The following FHIT variants were observed in gnomAD, a reference collection of about 807,000 sequenced individuals.
The protein encoded by FHIT is bis(5'-adenosyl)-triphosphatase.
In FHIT, 19 loss-of-function variants were observed where a neutral mutation model predicts 17.9. That is an observed-to-expected ratio of 1.06 (90% confidence interval 0.74 to 1.56). The LOEUF is 1.56. FHIT is among the 40% of genes most tolerant of loss of function. The pLI is 0.00. For missense variants in FHIT, 248 were observed against 189.2 expected (o/e 1.31, Z -1.82); for synonymous variants, 81 against 69.7 (o/e 1.16, Z -0.81).
intron 4 of FHIT, among the ~76,000 whole-genome samples, chr3:60,682,611 C>A (rs79938991): frequency 0.018 from 2,707 of 152,230 alleles, 63 homozygotes; most frequent in Admixed American, 0.073. Flanking sequence ...AAAAAGATTC[C>A]TTTCAAAATA....
At chr3:60,769,620 G>GGTAAAGTGAC (rs1327565979) in intron 4 of FHIT, among the ~76,000 whole-genome samples, 3 of 152,146 alleles carry the variant, frequency 2.0e-5, no homozygotes, top group Admixed American at 6.5e-5. Context: ...AGACAAAAAA[G>GGTAAAGTGAC]GTAAAGTGAC....
intron 5 of FHIT, among the ~76,000 whole-genome samples, chr3:60,291,858 G>A (rs1005378842): frequency 2.0e-5 from 3 of 152,058 alleles, no homozygotes; most frequent in East Asian, 1.9e-4. Context: ...CCACAGCCTA[G>A]GAATATCAGG....
At chr3:60,817,603 C>G (rs1285969273) in intron 4 of FHIT, among the ~76,000 whole-genome samples, 1 of 151,776 alleles carries the variant, frequency 6.6e-6, no homozygotes, top group African/African-American at 2.4e-5. Flanking sequence ...GAGACGTCAT[C>G]GTTCATTTAA....
chr3:60,458,072 C>G (rs1413231163), intron 5 of FHIT, among the ~76,000 whole-genome samples: 1 of 152,150 alleles, frequency 6.6e-6, no homozygotes, highest in Non-Finnish European at 1.5e-5. Context: ...ACCCAGCCAT[C>G]CCATTACTGG....
At chr3:60,946,133 G>A (rs1233820063) in intron 3 of FHIT, among the ~76,000 whole-genome samples, 1 of 152,180 alleles carries the variant, frequency 6.6e-6, no homozygotes, top group East Asian at 1.9e-4. Context: ...ACAGGAGGAT[G>A]ACGGATTGTA....
chr3:61,017,861 G>GA (rs1025988297), intron 3 of FHIT, among the ~76,000 whole-genome samples: 44 of 152,008 alleles, frequency 2.9e-4, no homozygotes, highest in African/African-American at 1.0e-3. Context: ...TGGCTAAAGA[G>GA]AAAAAATTTC....
intron 4 of FHIT, among the ~76,000 whole-genome samples, chr3:60,712,638 TA>T (rs1354858625): frequency 2.0e-5 from 3 of 152,008 alleles, no homozygotes; most frequent in Admixed American, 6.6e-5. Context: ...TACTCTCTGA[TA>T]AAACAGACTT....
chr3:61,237,765 C>T (rs540216227), intron 1 of FHIT, among the ~76,000 whole-genome samples: 10 of 152,166 alleles, frequency 6.6e-5, no homozygotes, highest in Non-Finnish European at 1.2e-4. Context: ...GTATTATCAT[C>T]TCCATTTTAC....
At chr3:60,711,127 G>C (rs937335217) in intron 4 of FHIT, among the ~76,000 whole-genome samples, 4 of 152,140 alleles carry the variant, frequency 2.6e-5, no homozygotes, top group Admixed American at 6.5e-5. Flanking sequence ...GAAAATCCAT[G>C]GTTCTGCAGA....
chr3:60,569,756 T>TATATATATATA lies in FHIT; in HGVS notation c.-17-32778_-17-32777insTATATATATAT, dbSNP rs1491532042. 1.0e-4 allele frequency among the ~76,000 whole-genome samples: 3 copies of TATATATATATA among 28,672 alleles called. 1 individual carries two copies. The highest frequency in any genetic ancestry group is 1.5e-3 in the South Asian group (1 of 684). 18.8% of individuals were successfully genotyped at this position (28,672 alleles called of 152,430 possible). ...ATATATATATATATATATATATATA[T>TATATATATATA]TTTTTTTTTTTTTAGACAGAGTTTT... is the stretch of plus-strand genomic sequence containing the variant. On this transcript the variant is annotated intron_variant, in intron 4 of 9. Transcript: ENST00000492590.
chr3:61,025,207 C>T (rs1575859923), intron 3 of FHIT, among the ~76,000 whole-genome samples: 1 of 152,166 alleles, frequency 6.6e-6, no homozygotes, highest in Non-Finnish European at 1.5e-5. Flanking sequence ...GGCCAAACCA[C>T]ACAGGACTTA....
intron 2 of FHIT, among the ~76,000 whole-genome samples, chr3:61,177,450 G>T (rs1476399202): frequency 6.6e-6 from 1 of 152,084 alleles, no homozygotes; most frequent in African/African-American, 2.4e-5. Flanking sequence ...AAAAATAAAG[G>T]TTGGGGAGAG....
intron 5 of FHIT, among the ~76,000 whole-genome samples, chr3:60,172,790 T>A (rs893402825): frequency 1.3e-5 from 2 of 152,160 alleles, no homozygotes; most frequent in Non-Finnish European, 2.9e-5. Flanking sequence ...TCCAGGCTGT[T>A]GCAGGAAAGA....
chr3:60,519,065 TA>T (rs2035264722), intron 5 of FHIT, among the ~76,000 whole-genome samples: 1 of 152,156 alleles, frequency 6.6e-6, no homozygotes, highest in South Asian at 2.1e-4. Flanking sequence ...TGAAGTAGGT[TA>T]AAATCATGTT....
intron 4 of FHIT, among the ~76,000 whole-genome samples, chr3:60,820,901 ATGAGCACAGTCCCC>A (rs746146178): frequency 2.0e-5 from 3 of 152,170 alleles, no homozygotes; most frequent in Non-Finnish European, 4.4e-5. Context: ...GAGGGGTTAC[ATGAGCACAGTCCCC>A]TGACGACATG....
chr3:60,161,960 T>G (rs912249234), intron 5 of FHIT, among the ~76,000 whole-genome samples: 1 of 152,088 alleles, frequency 6.6e-6, no homozygotes, highest in Non-Finnish European at 1.5e-5. Context: ...GCGACACTGA[T>G]GCTAACAGCA....
At chr3:60,416,031 T>G (rs1424484774) in intron 5 of FHIT, among the ~76,000 whole-genome samples, 1 of 151,282 alleles carries the variant, frequency 6.6e-6, no homozygotes, top group Non-Finnish European at 1.5e-5. Context: ...ACATGTTATC[T>G]TAATTCTTAT....
At chr3:60,596,553 C>T (rs781810286) in intron 4 of FHIT, among the ~76,000 whole-genome samples, 10 of 152,268 alleles carry the variant, frequency 6.6e-5, no homozygotes, top group Admixed American at 5.2e-4. Context: ...TTGAGGCTCC[C>T]GTTTGCTGTT....
chr3:60,528,125 C>A (rs1357406114), intron 5 of FHIT, among the ~76,000 whole-genome samples: 2 of 152,068 alleles, frequency 1.3e-5, no homozygotes, highest in Non-Finnish European at 2.9e-5. Flanking sequence ...AGATGCATGC[C>A]ATCACACCTA....
Sources: allele counts gnomAD v4.1 joint callset (sites outside exome capture counted in the v4.1 genomes callset), GRCh38; gene constraint gnomAD v4.1.1; transcripts MANE v1.5; gene names NCBI Gene and HGNC (gene_info 2026-07-23, HGNC 2026-07-21).